The following CP variants were observed in gnomAD, a reference collection of about 807,000 sequenced individuals.
CP encodes ceruloplasmin.
A neutral mutation model predicts 122.4 loss-of-function variants in CP; 64 were observed. The ratio of observed to expected loss-of-function variants is 0.52; its 90% CI spans 0.43 to 0.64. The LOEUF is 0.64. Ranked by LOEUF, CP falls within the 30% of genes least tolerant of loss-of-function variation. CP has a pLI of 0.00. For missense variants in CP, 1,167 were observed against 1,284.4 expected, an observed-to-expected ratio of 0.91 and a Z score of 1.40; for synonymous variants, 440 against 436.4, an observed-to-expected ratio of 1.01 and a Z score of -0.10.
chr3:149,183,869 G>A (rs1376325612), intron 12 of CP, among the ~76,000 whole-genome samples: 2 of 151,792 alleles, frequency 1.3e-5, no homozygotes, highest in Non-Finnish European at 2.9e-5. Flanking sequence ...GCTAGTCACT[G>A]CCTATTGGAA....
intron 17 of CP, 80 bp downstream of exon 17, chr3:149,177,760 C>T (rs763382758): frequency 5.5e-4 from 819 of 1,487,382 alleles, no homozygotes; most frequent in Non-Finnish European, 7.2e-4. Context: ...TTTCATAAGT[C>T]TCTCTGAGAA....
Position 149,173,731 on chromosome 3 carries a change from C to T in CP, c.3182-1G>A, listed in dbSNP as rs1216260462. On this transcript the variant is annotated splice_acceptor_variant, in intron 18 of 18. Coordinates refer to ENST00000264613, the MANE Select transcript of CP (RefSeq NM_000096.4). LOFTEE classifies it high-confidence loss of function. ...TATTTCATTCAGCCAGATTTGGTGTCTATAGAAAAAGAAATTTTAAGACCA... is the reference window on the plus strand; with the variant it reads ...TATTTCATTCAGCCAGATTTGGTGTTTATAGAAAAAGAAATTTTAAGACCA... The T allele has an allele frequency of 7.0e-7, 1 of 1,429,370 alleles. No homozygotes were observed. The highest frequency in any genetic ancestry group is 9.7e-7 in the Non-Finnish European group (1 of 1,035,292). The allele number at this position is 1,429,370 out of a possible 1,614,324, so 88.5% of individuals were successfully genotyped here.
At chr3:149,167,944 G>A (rs542575938), downstream of CP, 13 of 1,605,666 alleles carry the variant, frequency 8.1e-6, no homozygotes, top group African/African-American at 1.5e-4. Flanking sequence ...AATAAAATGT[G>A]GTGGAGAGAA....
At chr3:149,208,298 A>G (rs1282624448) in intron 4 of CP, among the ~76,000 whole-genome samples, 1 of 152,154 alleles carries the variant, frequency 6.6e-6, no homozygotes, top group East Asian at 1.9e-4. Context: ...AGTTCTGGGA[A>G]GAATCCTGAG....
chr3:149,204,287 T>C (rs1727551925), intron 6 of CP, among the ~76,000 whole-genome samples: 1 of 152,100 alleles, frequency 6.6e-6, no homozygotes, highest in African/African-American at 2.4e-5. Context: ...TGTTGGAAAA[T>C]ACAAGACTGC....
At chr3:149,171,601 G>C (rs1724992906), downstream of CP, among the ~76,000 whole-genome samples, 1 of 151,392 alleles carries the variant, frequency 6.6e-6, no homozygotes, top group Non-Finnish European at 1.5e-5. Flanking sequence ...AAGGATTCTA[G>C]TAAGGAAAAA....
At chr3:149,190,648 A>T (rs1461056104) in intron 9 of CP, among the ~76,000 whole-genome samples, 1 of 140,856 alleles carries the variant, frequency 7.1e-6, no homozygotes, top group Non-Finnish European at 1.5e-5. Flanking sequence ...ACAGAGGAAG[A>T]CTCTGTCTAA....
At chr3:149,195,097 A>G (rs1726812462) in intron 9 of CP, among the ~76,000 whole-genome samples, 1 of 152,240 alleles carries the variant, frequency 6.6e-6, no homozygotes, top group Admixed American at 6.5e-5. Context: ...AGCCATACAG[A>G]AAAAAGATAA....
chr3:149,167,476 T>C (rs1189400933), intron 4 of CP, among the ~76,000 whole-genome samples: 1 of 152,240 alleles, frequency 6.6e-6, no homozygotes, highest in African/African-American at 2.4e-5. Context: ...GGAGATGAAG[T>C]AGTTGATTAC....
In CP at chr3:149,188,166, C is replaced by T; in HGVS notation, c.1750G>A (p.Val584Ile). 1 of 1,612,456 alleles carries T rather than the reference C, an allele frequency of 6.2e-7. No individual in the cohort carries two copies. Among genetic ancestry groups the T allele is most frequent in the South Asian group, 1.1e-5 (1 of 91,044 alleles). Residue 584 changes from valine to isoleucine, a missense_variant, in exon 10 of 19, where the codon GTA becomes ATA. Val to Ile is a conservative substitution (Grantham distance 29). Transcript: ENST00000264613. ...VDKEFYLFPT[V>I]FDENESLLLE... ...AGTAAACTCTCATTCTCATCAAATA[C>T]TGTAGGAAACAAATAGAATTCCTTG...
At chr3:149,198,944 G>A (rs1233304627) in intron 8 of CP, among the ~76,000 whole-genome samples, 3 of 152,172 alleles carry the variant, frequency 2.0e-5, no homozygotes, top group Non-Finnish European at 4.4e-5. Flanking sequence ...CAGTGAAATC[G>A]ATGCATTTTC....
chr3:149,201,343 G>T (rs1369466545), intron 7 of CP, among the ~76,000 whole-genome samples: 1 of 151,704 alleles, frequency 6.6e-6, no homozygotes, highest in South Asian at 2.1e-4. Flanking sequence ...GGATGGTCTC[G>T]ATCTCCTGAC....
chr3:149,173,917 C>G (rs1338640322), intron 18 of CP, among the ~76,000 whole-genome samples, 187 bp from the exon 19 acceptor site: 2 of 152,070 alleles, frequency 1.3e-5, no homozygotes, highest in Non-Finnish European at 2.9e-5. Flanking sequence ...AGATTACTTT[C>G]TTCCCTACAA....
chr3:149,188,335 C>T (rs2081269417), intron 9 of CP, 133 bp from the exon 10 acceptor site: 6 of 721,976 alleles, frequency 8.3e-6, no homozygotes, highest in South Asian at 7.5e-5. Flanking sequence ...TCTTTGTAAA[C>T]TAGGGTTCCT....
At chr3:149,184,365 G>A (rs1253961831) in intron 12 of CP, among the ~76,000 whole-genome samples, 2 of 151,974 alleles carry the variant, frequency 1.3e-5, no homozygotes, top group Non-Finnish European at 2.9e-5. Context: ...GGCAGCTGTA[G>A]CCTTTTAACC....
downstream of CP, among the ~76,000 whole-genome samples, chr3:149,170,017 A>G (rs1724817682): frequency 6.6e-6 from 1 of 152,098 alleles, no homozygotes; most frequent in South Asian, 2.1e-4. Context: ...CTTAGCCTCA[A>G]TTTTCCCAAC....
chr3:149,180,716 T>G (rs912466626), intron 14 of CP, among the ~76,000 whole-genome samples: 1 of 152,220 alleles, frequency 6.6e-6, no homozygotes, highest in Non-Finnish European at 1.5e-5. Context: ...TTCACTAGAA[T>G]ATAAAGTATT....
chr3:149,192,562 C>CA, intron 9 of CP, among the ~76,000 whole-genome samples: 1 of 146,836 alleles, frequency 6.8e-6, no homozygotes, highest in Non-Finnish European at 1.5e-5. Context: ...GGCAAACAAA[C>CA]AAAAAAGTAA....
chr3:149,184,335 A>G (rs968056685), intron 12 of CP, among the ~76,000 whole-genome samples: 5 of 151,930 alleles, frequency 3.3e-5, no homozygotes, highest in Admixed American at 1.3e-4. Flanking sequence ...GCGCCCGGCC[A>G]GTTTTCACTT....
Sources: allele counts gnomAD v4.1 joint callset (sites outside exome capture counted in the v4.1 genomes callset), GRCh38; gene constraint gnomAD v4.1.1; transcripts MANE v1.5; gene names NCBI Gene and HGNC (gene_info 2026-07-23, HGNC 2026-07-21).